PARD3: variants seen among roughly 807,000 people sequenced by gnomAD.
PARD3 encodes the protein par-3 family cell polarity regulator.
In PARD3, 75 loss-of-function variants were observed where a neutral mutation model predicts 155.4. The observed-to-expected ratio is 0.48, with a 90% CI of 0.40 to 0.58. The LOEUF is 0.58. Among genes scored for constraint, PARD3 ranks in the 20% least tolerant of loss-of-function variants. The pLI, the probability that PARD3 is intolerant of heterozygous loss-of-function variation, is 0.00. For synonymous variants in PARD3, 576 were observed against 610.5 expected, an observed-to-expected ratio of 0.94 and a Z score of 0.83; for missense variants, 1,642 against 1,721.7, an observed-to-expected ratio of 0.95 and a Z score of 0.82.
At chr10:34,518,526 C>T (rs1320481689) in intron 2 of PARD3, among the ~76,000 whole-genome samples, 1 of 152,174 alleles carries the variant, frequency 6.6e-6, no homozygotes, top group African/African-American at 2.4e-5. Context: ...CCTGAAGGGG[C>T]TCCCAATGGA....
At chr10:34,122,118 TTTTCC>T (rs1481649120) in intron 23 of PARD3, among the ~76,000 whole-genome samples, 1 of 152,196 alleles carries the variant, frequency 6.6e-6, no homozygotes, top group East Asian at 1.9e-4. Flanking sequence ...AAGAACCACA[TTTTCC>T]TTTCCTTTTC....
At chr10:34,723,781 C>T (rs979988831) in intron 1 of PARD3, among the ~76,000 whole-genome samples, 8 of 152,128 alleles carry the variant, frequency 5.3e-5, no homozygotes, top group East Asian at 3.9e-4. Flanking sequence ...GGCGATGCAG[C>T]GGAGGAACTG....
intron 22 of PARD3, among the ~76,000 whole-genome samples, chr10:34,213,171 C>T (rs1951835727): frequency 6.6e-6 from 1 of 152,156 alleles, no homozygotes; most frequent in African/African-American, 2.4e-5. Context: ...CTGCATCTGG[C>T]AAGGGTCTCA....
chr10:34,356,440 G>A (rs1564623347), intron 14 of PARD3, among the ~76,000 whole-genome samples: 1 of 152,148 alleles, frequency 6.6e-6, no homozygotes, highest in Non-Finnish European at 1.5e-5. Context: ...AAAGAAAAAT[G>A]TGACAAAGAA....
At chr10:34,329,870 G>A (rs1346998702) in intron 19 of PARD3, among the ~76,000 whole-genome samples, 1 of 152,048 alleles carries the variant, frequency 6.6e-6, no homozygotes, top group Non-Finnish European at 1.5e-5. Flanking sequence ...CGCATTATAT[G>A]TATAAGCATT....
intron 7 of PARD3, among the ~76,000 whole-genome samples, chr10:34,390,727 G>A (rs1842798486): frequency 2.0e-5 from 3 of 152,018 alleles, no homozygotes; most frequent in African/African-American, 7.2e-5. Context: ...TCCAAATCTG[G>A]GGAAAATAAA....
At chr10:34,375,095 C>T (rs1308438008) in intron 10 of PARD3, 93 bp from the exon 11 acceptor site, 4 of 900,604 alleles carry the variant, frequency 4.4e-6, no homozygotes, top group East Asian at 2.6e-5. Flanking sequence ...CACACACACA[C>T]TCTAGGACTA....
chr10:34,568,245 C>T (rs1040389111), intron 2 of PARD3, among the ~76,000 whole-genome samples: 41 of 152,268 alleles, frequency 2.7e-4, no homozygotes, highest in African/African-American at 9.4e-4. Context: ...ATTTACCCTG[C>T]TAAAGTTAGT....
At chr10:34,569,442 G>C (rs2086210391) in intron 2 of PARD3, among the ~76,000 whole-genome samples, 1 of 152,080 alleles carries the variant, frequency 6.6e-6, no homozygotes, top group African/African-American at 2.4e-5. Context: ...TTTGGAGACA[G>C]AGTCTTGCTC....
intron 23 of PARD3, among the ~76,000 whole-genome samples, chr10:34,128,384 T>C (rs908700590): frequency 3.1e-4 from 47 of 152,226 alleles, no homozygotes; most frequent in Non-Finnish European, 5.9e-4. Context: ...TATGTTCTCT[T>C]CTTTATGATT....
rs116339195 is a variant in PARD3, at chr10:34,585,378, G to A, written c.223-68219C>T. Among the ~76,000 whole-genome samples the A allele has an allele frequency of 5.8e-3, 887 of 152,150 alleles. 2 individuals carry two copies. The highest frequency in any genetic ancestry group is 0.02 in the African/African-American group (832 of 41,534). On this transcript the variant is annotated intron_variant, in intron 2 of 24. Transcript: ENST00000374788. ...GTCCTGCACCCATTAACTTACAGAT[G>A]TTTACACATTCTTGTTAATGTTTAT...
chr10:34,245,994 T>C (rs1218503766), intron 22 of PARD3, among the ~76,000 whole-genome samples: 1 of 152,076 alleles, frequency 6.6e-6, no homozygotes, highest in Non-Finnish European at 1.5e-5. Context: ...CAGGGACAAA[T>C]GAACTCCCCA....
In PARD3 at chr10:34,341,715, ACTGGTCAGAGAGAT is replaced by A; in HGVS notation, c.2306_2319del (p.His769LeufsTer7). On this transcript the variant is annotated frameshift_variant, in exon 16 of 25. Transcript: ENST00000374788. LOFTEE classifies it high-confidence loss of function. ...ACATCATCATGGGAGCTGGAAGAGG[ACTGGTCAGAGAGAT>A]GTGGAGGAAGCACTGGCAACCTGTC... is the stretch of plus-strand genomic sequence containing the variant. The A allele has an allele frequency of 6.2e-7, 1 of 1,613,982 alleles. No homozygotes were observed. Among genetic ancestry groups the A allele is most frequent in the Non-Finnish European group, 8.5e-7 (1 of 1,179,916 alleles).
intron 22 of PARD3, among the ~76,000 whole-genome samples, chr10:34,234,478 C>T (rs1953109658): frequency 6.6e-6 from 1 of 152,170 alleles, no homozygotes; most frequent in Non-Finnish European, 1.5e-5. Flanking sequence ...CTTCTAGTTT[C>T]TGGCCCATGC....
intron 22 of PARD3, among the ~76,000 whole-genome samples, chr10:34,243,699 G>A (rs1953755279): frequency 6.6e-6 from 1 of 152,134 alleles, no homozygotes; most frequent in South Asian, 2.1e-4. Flanking sequence ...GGCTGGGTGT[G>A]TCGGCGCGCA....
intron 12 of PARD3, among the ~76,000 whole-genome samples, chr10:34,370,248 T>C (rs977468956): frequency 6.6e-6 from 1 of 152,152 alleles, no homozygotes; most frequent in Non-Finnish European, 1.5e-5. Flanking sequence ...AAAGTATATA[T>C]GACTTCCTTT....
At chr10:34,167,393 G>C (rs1469331847) in intron 22 of PARD3, among the ~76,000 whole-genome samples, 1 of 152,046 alleles carries the variant, frequency 6.6e-6, no homozygotes, top group Non-Finnish European at 1.5e-5. Flanking sequence ...TAGTCTGCCA[G>C]TAATGCTTTT....
At chr10:34,619,117 C>A (rs1342395701) in intron 2 of PARD3, among the ~76,000 whole-genome samples, 1 of 148,500 alleles carries the variant, frequency 6.7e-6, no homozygotes, top group East Asian at 2.0e-4. Context: ...GTGGCATGAT[C>A]TTGGCTCACT....
intron 22 of PARD3, among the ~76,000 whole-genome samples, chr10:34,164,875 C>T (rs1390333486): frequency 2.0e-5 from 3 of 152,138 alleles, no homozygotes; most frequent in Non-Finnish European, 4.4e-5. Context: ...ATTTCTGAAG[C>T]GCACTGACTA....
Sources: allele counts gnomAD v4.1 joint callset (sites outside exome capture counted in the v4.1 genomes callset), GRCh38; gene constraint gnomAD v4.1.1; transcripts MANE v1.5; gene names NCBI Gene and HGNC (gene_info 2026-07-23, HGNC 2026-07-21).